CSMD1: variants seen among roughly 807,000 people sequenced by gnomAD.
The protein encoded by CSMD1 is CUB and Sushi multiple domains 1.
A neutral mutation model predicts 417.5 loss-of-function variants in CSMD1; 213 were observed. That is an observed-to-expected ratio of 0.51 (90% CI 0.46 to 0.57). CSMD1 has a LOEUF of 0.57. CSMD1 is among the 20% of genes least tolerant of loss of function. The pLI is 0.00. For synonymous variants in CSMD1, 2,862 were observed against 1,736.8 expected (o/e 1.65, Z -16.11); for missense variants, 6,923 against 4,529.7 (o/e 1.53, Z -15.17).
At position 4,159,137 on chromosome 8, in the gene CSMD1, A is replaced by C. The variant is rs535444277; in HGVS notation, c.416-127038T>G. ...CTCCATAGTTGGCAGGCTGGTCTTG[A>C]ACTCCCAACTTCAGGTAATCCACCT... On this transcript the variant is annotated intron_variant, in intron 3 of 69. Coordinates refer to ENST00000635120, the MANE Select transcript of CSMD1 (RefSeq NM_033225.6). Among the ~76,000 whole-genome samples, 34 of 152,088 alleles carry C rather than the reference A, an allele frequency of 2.2e-4. No individual in the cohort carries two copies. The South Asian group carries it at 2.5e-3, about 11-fold the overall frequency.
At chr8:3,286,001 A>T (rs761223566) in intron 25 of CSMD1, among the ~76,000 whole-genome samples, 1 of 152,042 alleles carries the variant, frequency 6.6e-6, no homozygotes, top group Non-Finnish European at 1.5e-5. Context: ...AACAGGCCCC[A>T]GTGTGTGATG....
chr8:4,579,444 C>T (rs982481344), intron 2 of CSMD1, among the ~76,000 whole-genome samples: 8 of 151,866 alleles, frequency 5.3e-5, no homozygotes, highest in Non-Finnish European at 7.4e-5. Flanking sequence ...GTGCAACCTC[C>T]GCCTCCCAGG....
intron 7 of CSMD1, among the ~76,000 whole-genome samples, chr8:3,624,977 G>T (rs549031154): frequency 9.3e-4 from 141 of 152,162 alleles, no homozygotes; most frequent in African/African-American, 3.3e-3. Context: ...TGAACAATAA[G>T]AAAATGTTGC....
chr8:3,976,127 A>G (rs150596729), intron 5 of CSMD1, among the ~76,000 whole-genome samples: 194 of 152,210 alleles, frequency 1.3e-3, no homozygotes, highest in African/African-American at 4.5e-3. Context: ...CATTACCTAT[A>G]TAGTAGAAAT....
At chr8:3,938,499 G>C (rs966203624) in intron 5 of CSMD1, among the ~76,000 whole-genome samples, 1 of 152,102 alleles carries the variant, frequency 6.6e-6, no homozygotes, top group East Asian at 1.9e-4. Flanking sequence ...TGGGGAGAAG[G>C]TTTCCTCGGC....
intron 7 of CSMD1, among the ~76,000 whole-genome samples, chr8:3,703,505 G>A (rs1028338629): frequency 6.6e-6 from 1 of 152,002 alleles, no homozygotes; most frequent in Non-Finnish European, 1.5e-5. Flanking sequence ...TTGTGTACTG[G>A]TAGCTTGGGC....
intron 28 of CSMD1, among the ~76,000 whole-genome samples, chr8:3,222,246 T>C (rs1798261656): frequency 6.6e-6 from 1 of 152,092 alleles, no homozygotes; most frequent in African/African-American, 2.4e-5. Context: ...CTGCCTTAAA[T>C]ATGCATATCA....
At chr8:4,443,691 T>C (rs1234794638) in intron 2 of CSMD1, among the ~76,000 whole-genome samples, 2 of 152,194 alleles carry the variant, frequency 1.3e-5, no homozygotes, top group African/African-American at 4.8e-5. Context: ...AATCCTGCAA[T>C]TCCCAACAAA....
At chr8:4,136,636 G>C (rs1024975900) in intron 3 of CSMD1, among the ~76,000 whole-genome samples, 2 of 152,316 alleles carry the variant, frequency 1.3e-5, no homozygotes, top group Non-Finnish European at 2.9e-5. Context: ...TAAAAATAGT[G>C]AGACAGCATT....
At chr8:3,420,389 C>A (rs1458791457) in intron 12 of CSMD1, among the ~76,000 whole-genome samples, 13 of 149,636 alleles carry the variant, frequency 8.7e-5, no homozygotes, top group Admixed American at 2.0e-4. Context: ...CAGGGTGGAT[C>A]TGGGTGGTTC....
At chr8:3,872,329 G>C (rs890569491) in intron 5 of CSMD1, among the ~76,000 whole-genome samples, 2 of 152,140 alleles carry the variant, frequency 1.3e-5, no homozygotes, top group Admixed American at 6.6e-5. Flanking sequence ...AGTTCTCCCA[G>C]CTTTCCCCCG....
intron 5 of CSMD1, among the ~76,000 whole-genome samples, chr8:3,908,108 T>C (rs1044135763): frequency 6.6e-6 from 1 of 152,188 alleles, no homozygotes; most frequent in Admixed American, 6.5e-5. Context: ...GTTGAGGCTT[T>C]ATGGAGCCCC....
chr8:4,281,967 C>A (rs189570149), intron 3 of CSMD1, among the ~76,000 whole-genome samples: 1 of 152,144 alleles, frequency 6.6e-6, no homozygotes, highest in African/African-American at 2.4e-5. Flanking sequence ...ATCAGGTTTA[C>A]CAATTGCAAA....
At chr8:4,413,754 G>A (rs190725351) in intron 3 of CSMD1, among the ~76,000 whole-genome samples, 2 of 151,996 alleles carry the variant, frequency 1.3e-5, no homozygotes, top group Non-Finnish European at 2.9e-5. Context: ...CAAAACCCCT[G>A]CAAATGGAGG....
At chr8:4,899,773 C>T (rs1415698638) in intron 1 of CSMD1, among the ~76,000 whole-genome samples, 1 of 152,138 alleles carries the variant, frequency 6.6e-6, no homozygotes, top group Admixed American at 6.5e-5. Context: ...ACTATAACTT[C>T]ATCTTCCAAG....
At chr8:3,307,903 A>T in intron 24 of CSMD1, 82 bp from the exon 25 acceptor site, 1 of 1,466,534 alleles carries the variant, frequency 6.8e-7, no homozygotes. Context: ...AACCAAAGCC[A>T]TTATGTCTGC....
At chr8:4,095,399 A>C (rs1800951906) in intron 3 of CSMD1, among the ~76,000 whole-genome samples, 1 of 143,060 alleles carries the variant, frequency 7.0e-6, no homozygotes, top group Non-Finnish European at 1.5e-5. Flanking sequence ...AAAAGTAAAA[A>C]AGAAAAAAAA....
At chr8:3,906,645 T>A (rs1181399308) in intron 5 of CSMD1, among the ~76,000 whole-genome samples, 1 of 151,746 alleles carries the variant, frequency 6.6e-6, no homozygotes, top group African/African-American at 2.4e-5. Context: ...TTTTTCAGAT[T>A]TGCAAAGTAC....
chr8:3,364,857 G>T (rs80093411), intron 20 of CSMD1, among the ~76,000 whole-genome samples: 1 of 152,256 alleles, frequency 6.6e-6, no homozygotes, highest in African/African-American at 2.4e-5. Context: ...ATGGCAAGTG[G>T]CACAAACAGA....
Sources: allele counts gnomAD v4.1 joint callset (sites outside exome capture counted in the v4.1 genomes callset), GRCh38; gene constraint gnomAD v4.1.1; transcripts MANE v1.5; gene names NCBI Gene and HGNC (gene_info 2026-07-23, HGNC 2026-07-21).